Variants in TCF20 observed in about 807,000 individuals in gnomAD.
TCF20 encodes transcription factor 20.
Under a neutral mutation model 148.6 loss-of-function variants are expected in TCF20, and 3 were observed. The observed-to-expected ratio is 0.02, with a 90% CI of 0.01 to 0.05. The LOEUF is 0.05. TCF20 is among the 10% of genes least tolerant of loss of function. TCF20 has a pLI of 1.00. For synonymous variants in TCF20, 1,049 were observed against 909.5 expected, an observed-to-expected ratio of 1.15 and a Z score of -2.76; for missense variants, 2,350 against 2,429.3, an observed-to-expected ratio of 0.97 and a Z score of 0.69.
intron 1 of TCF20, among the ~76,000 whole-genome samples, chr22:42,221,831 C>T (rs539968313): frequency 5.4e-5 from 8 of 147,132 alleles, no homozygotes; most frequent in African/African-American, 7.7e-5. Flanking sequence ...CTCCGCCTCC[C>T]GGGTTCACGT....
intron 3 of TCF20, among the ~76,000 whole-genome samples, chr22:42,174,395 C>T (rs994640393): frequency 5.9e-5 from 9 of 152,066 alleles, no homozygotes; most frequent in East Asian, 1.9e-4. Flanking sequence ...ATCAGCAGAA[C>T]GGGGGCAGCC....
intron 3 of TCF20, among the ~76,000 whole-genome samples, chr22:42,179,396 T>A (rs568552088): frequency 7.4e-6 from 1 of 135,310 alleles, no homozygotes; most frequent in East Asian, 2.2e-4. Flanking sequence ...CATAAAAATT[T>A]AAAAAAGAAA....
chr22:42,337,576 C>A (rs951729233), intron 1 of TCF20, among the ~76,000 whole-genome samples: 1 of 152,212 alleles, frequency 6.6e-6, no homozygotes, highest in Non-Finnish European at 1.5e-5. Context: ...CTGCAAGACC[C>A]AACTCAAAAT....
At chr22:42,323,279 G>C (rs1353425763) in intron 1 of TCF20, among the ~76,000 whole-genome samples, 1 of 151,474 alleles carries the variant, frequency 6.6e-6, no homozygotes, top group Non-Finnish European at 1.5e-5. Flanking sequence ...CCCAAGCCCG[G>C]AAGGGTCTGA....
chr22:42,190,539 G>A (rs931221206), intron 2 of TCF20, among the ~76,000 whole-genome samples: 20 of 152,044 alleles, frequency 1.3e-4, no homozygotes, highest in African/African-American at 4.8e-4. Flanking sequence ...TTACTCTCTA[G>A]TCCCATGTGG....
At chr22:42,265,129 T>C (rs1926214507) in intron 1 of TCF20, among the ~76,000 whole-genome samples, 3 of 152,198 alleles carry the variant, frequency 2.0e-5, no homozygotes, top group Admixed American at 6.5e-5. Context: ...AAGCAAACAT[T>C]GCTCTTACAC....
chr22:42,203,603 CCA>C (rs1327459615), intron 2 of TCF20, among the ~76,000 whole-genome samples: 1 of 152,124 alleles, frequency 6.6e-6, no homozygotes, highest in African/African-American at 2.4e-5. Context: ...AAAAGATATA[CCA>C]CACAGTGTTA....
chr22:42,190,579 C>T (rs536227032), intron 2 of TCF20, among the ~76,000 whole-genome samples: 2 of 152,318 alleles, frequency 1.3e-5, no homozygotes, highest in South Asian at 2.1e-4. Flanking sequence ...CTACAAAGGC[C>T]GTCTGTGCTT....
At chr22:42,300,554 C>T (rs1320017497) in intron 1 of TCF20, among the ~76,000 whole-genome samples, 1 of 152,174 alleles carries the variant, frequency 6.6e-6, no homozygotes, top group Non-Finnish European at 1.5e-5. Flanking sequence ...GGGACACACA[C>T]AGTGAGTGCT....
At chr22:42,251,339 G>A (rs575101214) in intron 1 of TCF20, among the ~76,000 whole-genome samples, 1 of 151,784 alleles carries the variant, frequency 6.6e-6, no homozygotes, top group Non-Finnish European at 1.5e-5. Context: ...GTGCACGCTA[G>A]CTTGCTAATT....
At chr22:42,257,706 G>T (rs148175030) in intron 1 of TCF20, among the ~76,000 whole-genome samples, 150 of 152,246 alleles carry the variant, frequency 9.9e-4, no homozygotes, top group South Asian at 1.9e-3. Flanking sequence ...ATCTTATGTT[G>T]ATATACCCAA....
intron 2 of TCF20, among the ~76,000 whole-genome samples, chr22:42,197,922 C>T (rs1937687009): frequency 6.6e-6 from 1 of 152,210 alleles, no homozygotes; most frequent in African/African-American, 2.4e-5. Flanking sequence ...CATGGATGCT[C>T]ATGCCTTGTT....
chr22:42,248,267 A>G (rs1384994864), intron 1 of TCF20, among the ~76,000 whole-genome samples: 1 of 152,240 alleles, frequency 6.6e-6, no homozygotes, highest in African/African-American at 2.4e-5. Context: ...TACAAAGTAT[A>G]CATTTTACAC....
chr22:42,341,647 G>A (rs1048384842), intron 1 of TCF20, among the ~76,000 whole-genome samples: 10 of 152,104 alleles, frequency 6.6e-5, no homozygotes, highest in African/African-American at 2.2e-4. Context: ...GGACCCTTCC[G>A]CTTCTGCCAG....
At chr22:42,231,853 C>T (rs1421370322) in intron 1 of TCF20, among the ~76,000 whole-genome samples, 1 of 147,964 alleles carries the variant, frequency 6.8e-6, no homozygotes, top group Admixed American at 6.9e-5. Context: ...GACGTGAACC[C>T]GGGAGGCGGA....
chr22:42,215,166 C>T lies in TCF20; in HGVS notation c.140G>A (p.Ser47Asn), dbSNP rs746733029. ...MFQNFGGTGG[S>N]SGSSGSGSGG... is the part of the protein sequence containing the mutation. ...ACTGCCACTGCCACTGCTGCCACTA[C>T]TGCCACCTGTACCTCCAAAATTCTG... The change falls in exon 2 of 6, where the codon AGT becomes AAT. Residue 47 changes from serine (S) to asparagine (N), a missense_variant. This residue lies in a region of TCF20 where 1,641 missense variants were observed against 1,662.6 expected (regional missense o/e 0.99). Coordinates refer to ENST00000677622, the MANE Select transcript of TCF20 (RefSeq NM_001378418.1). The T allele has an allele frequency of 1.2e-6, 2 of 1,614,208 alleles. No homozygotes were observed. The highest frequency in any genetic ancestry group is 1.7e-6 in the Non-Finnish European group (2 of 1,180,022).
At chr22:42,283,080 C>G (rs1171137770) in intron 1 of TCF20, among the ~76,000 whole-genome samples, 1 of 152,242 alleles carries the variant, frequency 6.6e-6, no homozygotes, top group Non-Finnish European at 1.5e-5. Context: ...CCTCCCACCT[C>G]AGACACACAC....
At chr22:42,303,236 C>T (rs1927369993) in intron 1 of TCF20, among the ~76,000 whole-genome samples, 1 of 152,248 alleles carries the variant, frequency 6.6e-6, no homozygotes, top group African/African-American at 2.4e-5. Context: ...GGCCAAGCAA[C>T]CATCTACTGG....
chr22:42,341,090 C>A (rs1354272904), intron 1 of TCF20, among the ~76,000 whole-genome samples: 1 of 152,114 alleles, frequency 6.6e-6, no homozygotes, highest in Admixed American at 6.5e-5. Flanking sequence ...GCCGGAGGGA[C>A]GGCCCTGCTA....
Sources: gnomAD v4.1 joint callset for allele counts (sites outside exome capture counted in the v4.1 genomes callset) on GRCh38, gnomAD v4.1.1 for gene constraint, gnomAD v4.1.1 regional missense constraint, MANE v1.5 for transcripts, NCBI Gene and HGNC (gene_info 2026-07-23, HGNC 2026-07-21) for gene names.